PIP5K1B: variants seen among roughly 807,000 people sequenced by gnomAD.
PIP5K1B encodes phosphatidylinositol-4-phosphate 5-kinase type 1 beta.
In PIP5K1B, 42 loss-of-function variants were observed where a neutral mutation model predicts 67.0. That is an observed-to-expected ratio of 0.63 (90% confidence interval 0.49 to 0.81). The LOEUF is 0.81. Among genes scored for constraint, PIP5K1B ranks in the 30% least tolerant of loss-of-function variants. The pLI, the probability that PIP5K1B is intolerant of heterozygous loss-of-function variation, is 0.00. For missense variants in PIP5K1B, 459 were observed against 646.3 expected, an observed-to-expected ratio of 0.71 and a Z score of 3.14; for synonymous variants, 214 against 231.4, an observed-to-expected ratio of 0.92 and a Z score of 0.68.
At chr9:68,787,610 C>A (rs1327363371) in intron 2 of PIP5K1B, among the ~76,000 whole-genome samples, 1 of 151,982 alleles carries the variant, frequency 6.6e-6, no homozygotes, top group Non-Finnish European at 1.5e-5. Flanking sequence ...ATTCATTTTT[C>A]TTCCAATTTT....
At chr9:68,951,051 G>A (rs1426846243) in intron 14 of PIP5K1B, among the ~76,000 whole-genome samples, 1 of 152,222 alleles carries the variant, frequency 6.6e-6, no homozygotes, top group African/African-American at 2.4e-5. Flanking sequence ...TTAGGTAAGT[G>A]TAAGGAGGGA....
intron 8 of PIP5K1B, among the ~76,000 whole-genome samples, chr9:68,897,309 T>A (rs915065194): frequency 8.5e-5 from 13 of 152,220 alleles, no homozygotes; most frequent in African/African-American, 3.1e-4. Flanking sequence ...TATTCACTTA[T>A]CAGCACATAT....
chr9:68,771,801 CTAA>C (rs1830682648), intron 2 of PIP5K1B, among the ~76,000 whole-genome samples: 1 of 152,110 alleles, frequency 6.6e-6, no homozygotes, highest in Non-Finnish European at 1.5e-5. Flanking sequence ...GTACCATTTC[CTAA>C]TAAGTGGGAA....
chr9:68,840,310 G>A (rs1176246974), intron 4 of PIP5K1B, among the ~76,000 whole-genome samples: 1 of 151,862 alleles, frequency 6.6e-6, no homozygotes, highest in African/African-American at 2.4e-5. Flanking sequence ...CCAGGAGGCG[G>A]AGGTTGTAGT....
At chr9:68,861,891 GTTTGTTT>G (rs1409497247) in intron 4 of PIP5K1B, among the ~76,000 whole-genome samples, 3 of 144,236 alleles carry the variant, frequency 2.1e-5, no homozygotes, top group Non-Finnish European at 3.1e-5. Context: ...TTTTTTGTTT[GTTTGTTT>G]TTTGTTTTTT....
chr9:68,717,294 G>A (rs1461158042), intron 1 of PIP5K1B, among the ~76,000 whole-genome samples: 1 of 152,168 alleles, frequency 6.6e-6, no homozygotes, highest in Non-Finnish European at 1.5e-5. Context: ...TAAGAGACTG[G>A]ACGGTAGCAT....
intron 15 of PIP5K1B, among the ~76,000 whole-genome samples, chr9:69,001,361 C>G (rs1319849823): frequency 6.6e-6 from 1 of 151,974 alleles, no homozygotes; most frequent in Non-Finnish European, 1.5e-5. Flanking sequence ...CCACATTTTT[C>G]AAATGTGGCT....
At position 68,836,801 on chromosome 9, in the gene PIP5K1B, C is replaced by A. The variant is rs543810555; in HGVS notation, c.69+14118C>A. Among the ~76,000 whole-genome samples the A allele has an allele frequency of 6.6e-5, 10 of 152,302 alleles. No individual in the cohort carries two copies. In the South Asian group the frequency reaches 2.1e-3, roughly 32 times the overall value. ...AAGGGAAGGCTGTCTTACCAGAAGCCAGGTGGCCATGCCGAGCAGATGCAG... is the reference window on the plus strand; with the variant it reads ...AAGGGAAGGCTGTCTTACCAGAAGCAAGGTGGCCATGCCGAGCAGATGCAG... On this transcript the variant is annotated intron_variant, in intron 4 of 15. Coordinates refer to ENST00000265382, the MANE Select transcript of PIP5K1B (RefSeq NM_003558.4).
At chr9:68,927,727 G>A (rs144291773) in intron 12 of PIP5K1B, among the ~76,000 whole-genome samples, 5 of 152,066 alleles carry the variant, frequency 3.3e-5, no homozygotes, top group African/African-American at 1.2e-4. Flanking sequence ...TTACTTTTTT[G>A]ATAGTGTCTT....
At chr9:68,810,575 C>T (rs1190155749) in intron 2 of PIP5K1B, among the ~76,000 whole-genome samples, 1 of 152,180 alleles carries the variant, frequency 6.6e-6, no homozygotes, top group Admixed American at 6.5e-5. Context: ...TAGCAATTCT[C>T]CCACTTATTT....
intron 8 of PIP5K1B, among the ~76,000 whole-genome samples, chr9:68,901,932 T>G (rs1392364874): frequency 6.6e-6 from 1 of 152,236 alleles, no homozygotes; most frequent in East Asian, 1.9e-4. Context: ...TTTTTTACTT[T>G]GTATTTTGAG....
At chr9:68,830,976 A>C (rs1452655290) in intron 4 of PIP5K1B, among the ~76,000 whole-genome samples, 1 of 152,210 alleles carries the variant, frequency 6.6e-6, no homozygotes, top group Non-Finnish European at 1.5e-5. Flanking sequence ...TTGCCTGAGC[A>C]CATAAAAGAG....
At chr9:68,721,417 A>G (rs1222829885) in intron 1 of PIP5K1B, among the ~76,000 whole-genome samples, 1 of 152,100 alleles carries the variant, frequency 6.6e-6, no homozygotes, top group Non-Finnish European at 1.5e-5. Context: ...GTTTTGGGGA[A>G]TGGTAGTAGT....
At chr9:68,725,773 G>GAAA (rs1203491913) in intron 1 of PIP5K1B, among the ~76,000 whole-genome samples, 1 of 152,152 alleles carries the variant, frequency 6.6e-6, no homozygotes, top group Non-Finnish European at 1.5e-5. Context: ...ACTTGTTAAA[G>GAAA]AAAAATAATG....
intron 1 of PIP5K1B, among the ~76,000 whole-genome samples, chr9:68,726,028 T>A (rs1453755942): frequency 1.3e-5 from 2 of 152,206 alleles, no homozygotes; most frequent in Non-Finnish European, 2.9e-5. Context: ...TTTTAACACC[T>A]ATGGAATCTT....
intron 14 of PIP5K1B, among the ~76,000 whole-genome samples, chr9:68,941,734 C>T (rs1460851161): frequency 6.6e-6 from 1 of 152,174 alleles, no homozygotes; most frequent in Non-Finnish European, 1.5e-5. Context: ...TCCAGGCTAG[C>T]AGTTCAGTTG....
chr9:68,858,369 C>G (rs765983680), intron 4 of PIP5K1B, among the ~76,000 whole-genome samples: 13 of 152,192 alleles, frequency 8.5e-5, no homozygotes, highest in Non-Finnish European at 1.8e-4. Flanking sequence ...ATTAGACTCT[C>G]AAAATCTATG....
intron 14 of PIP5K1B, among the ~76,000 whole-genome samples, chr9:68,948,090 A>C (rs1230742657): frequency 6.6e-6 from 1 of 152,248 alleles, no homozygotes; most frequent in Non-Finnish European, 1.5e-5. Context: ...ACACAGAATG[A>C]GGGGAAAATG....
intron 2 of PIP5K1B, among the ~76,000 whole-genome samples, chr9:68,767,290 T>A (rs1282640772): frequency 6.6e-6 from 1 of 152,122 alleles, no homozygotes; most frequent in Non-Finnish European, 1.5e-5. Context: ...TAAAATACCA[T>A]CAGATAGAAT....
Sources: gnomAD v4.1 joint callset for allele counts (sites outside exome capture counted in the v4.1 genomes callset) on GRCh38, gnomAD v4.1.1 for gene constraint, MANE v1.5 for transcripts, NCBI Gene and HGNC (gene_info 2026-07-23, HGNC 2026-07-21) for gene names.